The following PDE1A variants were observed in gnomAD, a reference collection of about 807,000 sequenced individuals.
The protein encoded by PDE1A is dual specificity calcium/calmodulin-dependent 3',5'-cyclic nucleotide phosphodiesterase 1A.
In PDE1A, 35 loss-of-function variants were observed where a neutral mutation model predicts 61.7. The ratio of observed to expected loss-of-function variants is 0.57; its 90% CI spans 0.43 to 0.75. The LOEUF (loss-of-function observed/expected upper bound fraction) is 0.75. Ranked by LOEUF, PDE1A falls within the 30% of genes least tolerant of loss-of-function variation. The pLI, the probability that PDE1A is intolerant of heterozygous loss-of-function variation, is 0.00. For synonymous variants in PDE1A, 232 were observed against 213.2 expected, an observed-to-expected ratio of 1.09 and a Z score of -0.77; for missense variants, 597 against 630.6, an observed-to-expected ratio of 0.95 and a Z score of 0.57.
the PDE1A span, among the ~76,000 whole-genome samples, chr2:182,646,901 A>C: frequency 8.5e-5 from 13 of 152,346 alleles, no homozygotes; most frequent in African/African-American, 2.9e-4. Context: ...TTTAGCCATC[A>C]GGCTCTCTGG....
intron 2 of PDE1A, among the ~76,000 whole-genome samples, chr2:182,434,635 A>T (rs952395621): frequency 5.3e-5 from 8 of 151,968 alleles, no homozygotes; most frequent in Admixed American, 2.6e-4. Context: ...CTACTACCAC[A>T]CCGAAATCAC....
intron 1 of PDE1A, among the ~76,000 whole-genome samples, chr2:182,267,244 A>G (rs1198319780): frequency 6.6e-6 from 1 of 152,116 alleles, no homozygotes; most frequent in Non-Finnish European, 1.5e-5. Context: ...AGAGATCTCA[A>G]TGTGGTTTAA....
chr2:182,168,012 C>G, exon 14 of PDE1A: 2 of 1,222,882 alleles, frequency 1.6e-6, no homozygotes, highest in Non-Finnish European at 2.0e-6. Flanking sequence ...TATCTGAAAG[C>G]ACAAGGTGCT....
downstream of PDE1A, among the ~76,000 whole-genome samples, chr2:182,164,681 C>A (rs1691557831): frequency 6.6e-6 from 1 of 152,116 alleles, no homozygotes; most frequent in Non-Finnish European, 1.5e-5. Context: ...CAAGAGTGAT[C>A]TGGCTACTGC....
rs369375165 is a variant in PDE1A, at chr2:182,289,537, T to C, written c.54-25123A>G. Reference sequence around the variant, plus strand: ...TCCCTGTGTTTTAATATTGTATCTCTCCTTTAATCACAAACTCTTCCTTGT... The same window carrying C: ...TCCCTGTGTTTTAATATTGTATCTCCCCTTTAATCACAAACTCTTCCTTGT... On this transcript the variant is annotated intron_variant, in intron 1 of 13. Transcript: ENST00000351439. Among the ~76,000 whole-genome samples the C allele has an allele frequency of 4.7e-4, 71 of 152,210 alleles. 1 individual carries two copies. Among genetic ancestry groups the C allele is most frequent in the African/African-American group, 1.6e-3 (65 of 41,558 alleles).
rs539124464 is a variant in PDE1A at position 182,320,084 on chromosome 2, G to A, written c.54-55670C>T. Among the ~76,000 whole-genome samples the A allele has an allele frequency of 8.5e-5, 13 of 152,220 alleles. No homozygotes were observed. In the East Asian group the frequency reaches 1.5e-3, roughly 18 times the overall value. On this transcript the variant is annotated intron_variant, in intron 1 of 13. Coordinates refer to ENST00000351439, the Ensembl canonical transcript of PDE1A. ...GGGCCAACTGGAAGCTATACAAGTC[G>A]TCTTGGCTCATAGTCAAGACTGGAC...
At chr2:182,244,856 T>G (rs1206054684) in intron 2 of PDE1A, among the ~76,000 whole-genome samples, 1 of 152,180 alleles carries the variant, frequency 6.6e-6, no homozygotes, top group Non-Finnish European at 1.5e-5. Context: ...TGGGTATGAG[T>G]TCAGTTGTAT....
At chr2:182,609,613 C>G in the PDE1A span, among the ~76,000 whole-genome samples, 1 of 152,206 alleles carries the variant, frequency 6.6e-6, no homozygotes, top group Non-Finnish European at 1.5e-5. Context: ...CAGCTTCACT[C>G]CTGAGCCAGT....
At chr2:182,691,636 T>C in the PDE1A span, among the ~76,000 whole-genome samples, 23 of 152,100 alleles carry the variant, frequency 1.5e-4, no homozygotes, top group Non-Finnish European at 2.6e-4. Context: ...ACTTCATGTC[T>C]AAAACACCAA....
chr2:182,296,498 A>G (rs905236778), intron 1 of PDE1A, among the ~76,000 whole-genome samples: 1 of 152,260 alleles, frequency 6.6e-6, no homozygotes, highest in African/African-American at 2.4e-5. Context: ...ATACAGATAT[A>G]GGTATAGATA....
chr2:182,304,043 G>A (rs777892127), intron 1 of PDE1A, among the ~76,000 whole-genome samples: 11 of 143,826 alleles, frequency 7.6e-5, no homozygotes, highest in Non-Finnish European at 1.4e-4. Context: ...TGGGACTACA[G>A]GTGTGTGCCA....
chr2:182,572,860 CT>C, the PDE1A span, among the ~76,000 whole-genome samples: 3 of 131,708 alleles, frequency 2.3e-5, no homozygotes, highest in African/African-American at 9.3e-5. Context: ...CAGAGCGAGA[CT>C]CTGTCTCAAA....
intron 13 of PDE1A, among the ~76,000 whole-genome samples, chr2:182,148,525 C>G (rs1028817432): frequency 6.6e-6 from 1 of 152,152 alleles, no homozygotes; most frequent in South Asian, 2.1e-4. Context: ...TTGGTAAGAC[C>G]CATGAATCTC....
chr2:182,664,717 C>G, the PDE1A span, among the ~76,000 whole-genome samples: 1 of 152,132 alleles, frequency 6.6e-6, no homozygotes, highest in Non-Finnish European at 1.5e-5. Flanking sequence ...AAAGAAATAT[C>G]CCTACCCTAA....
intron 1 of PDE1A, among the ~76,000 whole-genome samples, chr2:182,308,606 A>T (rs17264796): frequency 0.38 from 58,177 of 151,912 alleles, 11,702 homozygotes; most frequent in Non-Finnish European, 0.47. Context: ...AGTAAATTGT[A>T]ATAAAATGTG....
chr2:182,406,561 T>C (rs1475569567), intron 1 of PDE1A, among the ~76,000 whole-genome samples: 39 of 152,176 alleles, frequency 2.6e-4, no homozygotes, highest in Admixed American at 2.6e-3. Context: ...CCAAGAAGAT[T>C]TACAGAAATA....
intron 1 of PDE1A, among the ~76,000 whole-genome samples, chr2:182,424,848 C>T (rs1703507441): frequency 6.6e-6 from 1 of 152,182 alleles, no homozygotes; most frequent in Admixed American, 6.5e-5. Context: ...AATCTGTTAT[C>T]AGTCAAAGAC....
chr2:182,513,450 T>C (rs1689937051), intron 2 of PDE1A, among the ~76,000 whole-genome samples: 1 of 152,026 alleles, frequency 6.6e-6, no homozygotes. Flanking sequence ...CTTAAGGGAG[T>C]GCTAAACATA....
At chr2:182,243,971 G>A (rs928824235) in intron 2 of PDE1A, among the ~76,000 whole-genome samples, 10 of 152,214 alleles carry the variant, frequency 6.6e-5, no homozygotes, top group Admixed American at 5.2e-4. Context: ...GGGTTCAAGC[G>A]ATTCTCCTGC....
Sources: gnomAD v4.1 joint callset for allele counts (sites outside exome capture counted in the v4.1 genomes callset) on GRCh38, gnomAD v4.1.1 for gene constraint, MANE v1.5 for transcripts, NCBI Gene and HGNC (gene_info 2026-07-23, HGNC 2026-07-21) for gene names.